Variants in ZNF334 observed in about 807,000 individuals in gnomAD.
ZNF334 encodes zinc finger protein 334.
Under a neutral mutation model 12.4 loss-of-function variants are expected in ZNF334, and 14 were observed. The ratio of observed to expected loss-of-function variants is 1.13; its 90% CI spans 0.74 to 1.76. The LOEUF is 1.76. ZNF334 is among the 40% of genes most tolerant of loss of function. ZNF334 has a pLI of 0.00. For missense variants in ZNF334, 797 were observed against 804.5 expected (o/e 0.99, Z 0.11); for synonymous variants, 273 against 269.6 (o/e 1.01, Z -0.12).
chr20:46,508,141 C>T (rs1287051098), intron 2 of ZNF334, among the ~76,000 whole-genome samples: 4 of 152,188 alleles, frequency 2.6e-5, no homozygotes, highest in African/African-American at 9.7e-5. Context: ...ACTCGATTCT[C>T]CCGGTGACTC....
At chr20:46,509,475 G>A in intron 2 of ZNF334, 1 of 672,772 alleles carries the variant, frequency 1.5e-6, no homozygotes, top group Non-Finnish European at 2.7e-6. Context: ...AGAGGGGCAA[G>A]TTTCCTCAGC....
At chr20:46,471,223 G>A in the ZNF334 span, among the ~76,000 whole-genome samples, 1 of 152,084 alleles carries the variant, frequency 6.6e-6, no homozygotes, top group African/African-American at 2.4e-5. Context: ...ATGAGGCTGA[G>A]CACCTTTTCT....
intron 2 of ZNF334, 82 bp downstream of exon 2, chr20:46,512,000 A>T: frequency 7.4e-7 from 1 of 1,359,294 alleles, no homozygotes; most frequent in East Asian, 2.3e-5. Context: ...TGAATTTTAT[A>T]CATTTCGTTT....
At chr20:46,486,626 A>T in the ZNF334 span, among the ~76,000 whole-genome samples, 1 of 152,140 alleles carries the variant, frequency 6.6e-6, no homozygotes. Flanking sequence ...AGGAAAAAAA[A>T]TCCTAAATCT....
the ZNF334 span, among the ~76,000 whole-genome samples, chr20:46,471,283 G>A: frequency 6.6e-6 from 1 of 152,126 alleles, no homozygotes; most frequent in Non-Finnish European, 1.5e-5. Context: ...GCCTGTTCAA[G>A]TATTTTGCCC....
the ZNF334 span, among the ~76,000 whole-genome samples, chr20:46,470,782 C>G: frequency 2.6e-5 from 4 of 152,142 alleles, no homozygotes; most frequent in African/African-American, 9.7e-5. Flanking sequence ...TTCATGCTAT[C>G]ATGTTTAGCA....
At position 46,503,025 on chromosome 20, in the gene ZNF334, T is replaced by C. The variant is rs2061303348; in HGVS notation, c.314A>G (p.Asn105Ser). The change falls in exon 5 of 5, where the codon AAC becomes AGC. Residue 105 changes from asparagine to serine, a missense_variant. By Grantham distance (46) the Asn-to-Ser change is conservative. Coordinates refer to ENST00000692313, the MANE Select transcript of ZNF334 (RefSeq NM_001353824.2). ...CTCTCTTTCTGTAATCAGTGTTTTG[T>C]TGCTGAAGAATACAGTTTGTGTCAA... ...KHLTQTVFFS[N>S]KTLITERENV... 3 of 1,613,788 alleles carry C rather than the reference T, an allele frequency of 1.9e-6. No individual in the cohort carries two copies. Among genetic ancestry groups the C allele is most frequent in the Non-Finnish European group, 1.7e-6 (2 of 1,179,888 alleles).
At chr20:46,496,117 T>A (rs2061018754), downstream of ZNF334, among the ~76,000 whole-genome samples, 1 of 152,214 alleles carries the variant, frequency 6.6e-6, no homozygotes, top group South Asian at 2.1e-4. Flanking sequence ...TAAGTCATAC[T>A]TCTGCCTAGG....
the ZNF334 span, among the ~76,000 whole-genome samples, chr20:46,467,306 C>T: frequency 1.1e-4 from 17 of 151,950 alleles, 1 homozygote; most frequent in Non-Finnish European, 2.2e-4. Context: ...GGAAAAATAA[C>T]GCATATTTCC....
Position 46,501,875 on chromosome 20 carries a change from A to C in ZNF334, c.1464T>G (p.His488Gln). ...IHQRTHTGEK[H>Q]GVFNKCGRIS... ...TTCTACCACATTTATTAAACACACC[A>C]TGTTTCTCTCCTGTGTGTGTTCTCT... The change falls in exon 5 of 5, where the codon CAT becomes CAG. Residue 488 changes from histidine to glutamine, a missense_variant. His to Gln is a conservative substitution (Grantham distance 24). Coordinates refer to ENST00000692313, the MANE Select transcript of ZNF334 (RefSeq NM_001353824.2). 6.2e-7 allele frequency: 1 copy of C among 1,611,140 alleles called. No homozygotes were observed. The highest frequency in any genetic ancestry group is 8.5e-7 in the Non-Finnish European group (1 of 1,179,092).
the ZNF334 span, among the ~76,000 whole-genome samples, chr20:46,486,369 G>A: frequency 3.3e-5 from 5 of 152,246 alleles, no homozygotes; most frequent in African/African-American, 1.2e-4. Context: ...AGCCAAGATC[G>A]TGTCACTGCA....
In ZNF334 at chr20:46,504,614, C is replaced by G; in HGVS notation, c.148G>C (p.Gly50Arg). 6 of 1,595,450 alleles carry G rather than the reference C, an allele frequency of 3.8e-6. No individual in the cohort carries two copies. Among genetic ancestry groups the G allele is most frequent in the Non-Finnish European group, 5.1e-6 (6 of 1,173,610 alleles). The change falls in exon 3 of 5, where the codon GGG (glycine) becomes CGG (arginine). Residue 50 changes from glycine to arginine, a missense_variant and splice_region_variant. By Grantham distance (125) the Gly-to-Arg change is moderately radical. Transcript: ENST00000692313. ...AGTTGTACAGGGAAATAGTCCTTAC[C>G]CACAGAGACCAAGTTGCTGTAGTTC... ...LENYSNLVSVGYHVSKPDVIF... is the reference protein window; with the variant it reads ...LENYSNLVSVRYHVSKPDVIF...
At chr20:46,497,143 G>A (rs148774707), downstream of ZNF334, among the ~76,000 whole-genome samples, 1,050 of 152,280 alleles carry the variant, frequency 6.9e-3, 14 homozygotes, top group African/African-American at 0.024. Flanking sequence ...CTCTAGCTGC[G>A]GAAGAGGGCC....
the ZNF334 span, among the ~76,000 whole-genome samples, chr20:46,477,902 G>A: frequency 6.6e-6 from 1 of 152,090 alleles, no homozygotes; most frequent in Admixed American, 6.6e-5. Context: ...AATATCTTTC[G>A]GTATAACTGG....
At chr20:46,466,953 A>C in the ZNF334 span, among the ~76,000 whole-genome samples, 1 of 152,212 alleles carries the variant, frequency 6.6e-6, no homozygotes, top group Non-Finnish European at 1.5e-5. Context: ...CTCCACACCA[A>C]GATTTAAAAT....
intron 1 of ZNF334, among the ~76,000 whole-genome samples, 198 bp from the exon 2 acceptor site, chr20:46,512,338 G>A (rs2061683194): frequency 6.6e-6 from 1 of 152,202 alleles, no homozygotes; most frequent in Non-Finnish European, 1.5e-5. Context: ...CTTACTGAGT[G>A]AGTGTCAACA....
the ZNF334 span, among the ~76,000 whole-genome samples, chr20:46,489,310 C>T: frequency 6.6e-6 from 1 of 152,130 alleles, no homozygotes; most frequent in Non-Finnish European, 1.5e-5. Flanking sequence ...AAAGAATTCT[C>T]CAACCTGCTA....
intron 1 of ZNF334, 109 bp downstream of exon 1, chr20:46,512,431 G>C (rs527528870): frequency 9.0e-6 from 2 of 222,838 alleles, no homozygotes; most frequent in East Asian, 2.1e-4. Context: ...TAGGAGACTA[G>C]GTCAACGAAA....
In ZNF334 at chr20:46,502,125, T is replaced by C. The variant is rs765827551; in HGVS notation, c.1214A>G (p.Tyr405Cys). 2.5e-6 allele frequency: 4 copies of C among 1,614,102 alleles called. No homozygotes were observed. The highest frequency in any genetic ancestry group is 3.4e-6 in the Non-Finnish European group (4 of 1,180,038). ...HQRIHTGEKPYECSECEKTFF... is the reference protein window; with the variant it reads ...HQRIHTGEKPCECSECEKTFF... ...GGTTTTCTCACATTCACTACATTCA[T>C]AGGGTTTTTCCCCTGTGTGAATTCT... Residue 405 changes from tyrosine (Y) to cysteine (C), a missense_variant, in exon 5 of 5, where the codon TAT becomes TGT. Tyr to Cys is a radical substitution (Grantham distance 194). Coordinates refer to ENST00000692313, the MANE Select transcript of ZNF334 (RefSeq NM_001353824.2).
Sources: allele counts gnomAD v4.1 joint callset (sites outside exome capture counted in the v4.1 genomes callset), GRCh38; gene constraint gnomAD v4.1.1; transcripts MANE v1.5; gene names NCBI Gene and HGNC (gene_info 2026-07-23, HGNC 2026-07-21).